The following PRAM1 variants were observed in gnomAD, a reference collection of about 807,000 sequenced individuals.
The protein encoded by PRAM1 is PML-RARA-regulated adapter molecule 1.
In PRAM1, 41 loss-of-function variants were observed where a neutral mutation model predicts 55.3. The observed-to-expected ratio is 0.74, with a 90% CI of 0.58 to 0.96. The LOEUF (loss-of-function observed/expected upper bound fraction) is 0.96, where lower values mean the gene tolerates loss of function less well. Ranked by LOEUF, PRAM1 falls within the 40% of genes least tolerant of loss-of-function variation. PRAM1 has a pLI of 0.00. For missense variants in PRAM1, 898 were observed against 892.7 expected, an observed-to-expected ratio of 1.01 and a Z score of -0.08; for synonymous variants, 401 against 387.1, an observed-to-expected ratio of 1.04 and a Z score of -0.42.
rs1461907185 is a variant in PRAM1, at chr19:8,502,580, G to A, written c.12C>T (p.His4=). Residue 4 remains histidine (H), a synonymous_variant, in exon 1 of 10, where the codon CAC becomes CAT. Coordinates refer to ENST00000423345, the MANE Select transcript of PRAM1 (RefSeq NM_032152.5). ...CAGCACTCACCATGGCTGCAGGCAG[G>A]TGATGGGCCATGGGATGAGTGGGAC... The part of the protein sequence containing the change: MAH[H]LPAAMESHQD... The A allele has an allele frequency of 6.4e-7, 1 of 1,551,478 alleles. No individual in the cohort carries two copies. The highest frequency in any genetic ancestry group is 8.7e-7 in the Non-Finnish European group (1 of 1,148,744).
Position 8,498,236 on chromosome 19 carries a change from C to A in PRAM1, c.1486G>T (p.Glu496Ter), listed in dbSNP as rs1166143587. The A allele has an allele frequency of 1.2e-6, 2 of 1,612,360 alleles. No individual in the cohort carries two copies. Among genetic ancestry groups the A allele is most frequent in the Non-Finnish European group, 1.7e-6 (2 of 1,179,506 alleles). ...AGLHFQDRQP[E>*]DIPQVPDEIY... ...CCCCACACTCACTGCGGGATGTCTT[C>A]AGGCTGTCGGTCCTGGAAGTGGAGC... Residue 496 changes from glutamate (E) to a stop codon, truncating the protein, a stop_gained, in exon 3 of 10, where the codon GAA becomes TAA. Transcript: ENST00000423345. LOFTEE classifies it high-confidence loss of function.
chr19:8,493,627 C>T lies in PRAM1; in HGVS notation c.1577-2470G>A, dbSNP rs1971658840. Among the ~76,000 whole-genome samples the T allele has an allele frequency of 6.6e-6, 1 of 152,164 alleles. No homozygotes were observed. Among genetic ancestry groups the T allele is most frequent in the Non-Finnish European group, 1.5e-5 (1 of 68,024 alleles). ...ACCTGCAGAGGAGCCCCCTGCCTTC[C>T]AGGAACCTCTGCAGTGGAGCTGCCA... On this transcript the variant is annotated intron_variant, in intron 4 of 9. Coordinates refer to ENST00000423345, the MANE Select transcript of PRAM1 (RefSeq NM_032152.5). This position sits in a 1 kb window ranked among gnomAD's most constrained non-coding sequence, Gnocchi z 4.1.
In PRAM1 at chr19:8,499,158, G is replaced by C; in HGVS notation, c.650C>G (p.Ala217Gly). ...GGGGTACACGTTGAACTCAGGCTGC[G>C]CAGGCTTCTTGGGAAAGGTACTCAA... Reference protein sequence around the residue: ...PELSTFPKKPAQPEFNVYPKK... With the variant: ...PELSTFPKKPGQPEFNVYPKK... Residue 217 changes from alanine (A) to glycine (G), a missense_variant, in exon 2 of 10, where the codon GCG becomes GGG. Around this residue, in one of 4 missense-constraint regions of PRAM1, gnomAD observed 787 missense variants for 735.4 expected, o/e 1.07. Coordinates refer to ENST00000423345, the MANE Select transcript of PRAM1 (RefSeq NM_032152.5). The C allele has an allele frequency of 6.2e-7, 1 of 1,613,872 alleles. No individual in the cohort carries two copies. The highest frequency in any genetic ancestry group is 1.6e-4 in the Middle Eastern group (1 of 6,062).
At chr19:8,494,515 T>C (rs1971670578) in intron 4 of PRAM1, among the ~76,000 whole-genome samples, 1 of 152,232 alleles carries the variant, frequency 6.6e-6, no homozygotes, top group Non-Finnish European at 1.5e-5. Context: ...CAGGAGCACC[T>C]TAGAAGCTCA....
chr19:8,500,205 C>T (rs10407216), intron 1 of PRAM1, among the ~76,000 whole-genome samples: 6,889 of 150,648 alleles, frequency 0.046, 533 homozygotes, highest in African/African-American at 0.16. Context: ...CTCCTGGGCT[C>T]CAATGATTCC....
chr19:8,494,932 CTT>C (rs769996945), intron 4 of PRAM1, among the ~76,000 whole-genome samples: 9 of 135,802 alleles, frequency 6.6e-5, no homozygotes, highest in Non-Finnish European at 1.1e-4. Flanking sequence ...TGCGCCTGGC[CTT>C]TTTTTTTTTT....
At chr19:8,492,853 C>A (rs769173975) in intron 4 of PRAM1, among the ~76,000 whole-genome samples, 38 of 151,888 alleles carry the variant, frequency 2.5e-4, no homozygotes, top group Non-Finnish European at 5.0e-4. Flanking sequence ...AAAAATTAGA[C>A]GGGTGTGGTG....
At chr19:8,497,895 T>TTTTTTTA in intron 3 of PRAM1, 55 bp from the exon 4 acceptor site, 1 of 1,111,768 alleles carries the variant, frequency 9.0e-7, no homozygotes, top group Non-Finnish European at 1.3e-6. Flanking sequence ...TTTTTTTTTT[T>TTTTTTTA]GAGACGGAGT....
At position 8,491,084 on chromosome 19, in the gene PRAM1, C is replaced by T. The variant is rs1568313461; in HGVS notation, c.1634+16G>A. On this transcript the variant is annotated intron_variant, in intron 5 of 9. Transcript: ENST00000423345. ...GAGCTCGCCCCCCGTCTGCCCACCC[C>T]CTCTGCCCATGGCACCTGAGCGCTG... The T allele has an allele frequency of 3.1e-6, 5 of 1,612,236 alleles. No homozygotes were observed. The East Asian group carries it at 6.7e-5, about 22-fold the overall frequency.
At position 8,502,471 on chromosome 19, in the gene PRAM1, C is replaced by G. The variant is rs540827052; in HGVS notation, c.27+94G>C. 6 of 444,312 alleles carry G rather than the reference C, an allele frequency of 1.4e-5. 1 individual carries two copies. Among genetic ancestry groups the G allele is most frequent in the East Asian group, 6.2e-5 (1 of 16,062 alleles). 27.5% of individuals were successfully genotyped at this position (444,312 alleles called of 1,614,324 possible). A position where few individuals can be genotyped will look rare whatever the true frequency, so the allele number is the denominator to read the frequency against. On this transcript the variant is annotated intron_variant, in intron 1 of 9. Transcript: ENST00000423345. Reference sequence around the variant, plus strand: ...CTTTCGCAGCCACCCCCCGCCCCCCCGCCCGCCCCTCCACAGGTGGATCCT... The same window carrying G: ...CTTTCGCAGCCACCCCCCGCCCCCCGGCCCGCCCCTCCACAGGTGGATCCT...
Position 8,490,768 on chromosome 19 carries a change from G to C in PRAM1, c.1744-12C>G. 6.2e-7 allele frequency: 1 copy of C among 1,607,946 alleles called. No individual in the cohort carries two copies. Among genetic ancestry groups the C allele is most frequent in the African/African-American group, 1.3e-5 (1 of 75,026 alleles). On this transcript the variant is annotated splice_polypyrimidine_tract_variant and intron_variant, in intron 6 of 9. Transcript: ENST00000423345. The surrounding 1 kb of genome is among the most constrained non-coding windows in gnomAD (Gnocchi z 7.3). Reference sequence around the variant, plus strand: ...ATCTCCCCTTCAAACTGGGGCGCGAGATGTTAGGGCCTCTGCTTGTGCTGC... The same window carrying C: ...ATCTCCCCTTCAAACTGGGGCGCGACATGTTAGGGCCTCTGCTTGTGCTGC...
rs1159923983 is a variant in PRAM1, at chr19:8,502,618, C to G, written c.-27G>C. 2 of 1,547,092 alleles carry G rather than the reference C, an allele frequency of 1.3e-6. No individual in the cohort carries two copies. Among genetic ancestry groups the G allele is most frequent in the Admixed American group, 3.9e-5 (2 of 50,818 alleles). On this transcript the variant is annotated 5_prime_UTR_variant, in exon 1 of 10. Transcript: ENST00000423345. ...GGATGAGTGGGACCCGAGCTGGGGC[C>G]GCTGCCTTCAGGAAGTGACTGTGGC...
At chr19:8,496,182 G>A (rs1971696970) in intron 4 of PRAM1, 3 of 446,996 alleles carry the variant, frequency 6.7e-6, no homozygotes, top group Admixed American at 2.4e-5. Flanking sequence ...TTGGTAGGCT[G>A]AGGTGGGCGG....
chr19:8,499,122 G>A lies in PRAM1; in HGVS notation c.686C>T (p.Pro229Leu), dbSNP rs199705772. ...AGGGAGGCCACCGACCTGAGGCTGC[G>A]GAGGCTTTTTGGGGTACACGTTGAA... ...PEFNVYPKKPPQPQVGGLPKK... is the reference protein window; with the variant it reads ...PEFNVYPKKPLQPQVGGLPKK... Residue 229 changes from proline (P) to leucine (L), a missense_variant, in exon 2 of 10, where the codon CCG becomes CTG. By Grantham distance (98) the Pro-to-Leu change is moderately conservative. Around this residue, in one of 4 missense-constraint regions of PRAM1, gnomAD observed 787 missense variants for 735.4 expected, o/e 1.07. Coordinates refer to ENST00000423345, the MANE Select transcript of PRAM1 (RefSeq NM_032152.5). 4.0e-5 allele frequency: 65 copies of A among 1,613,714 alleles called. No homozygotes were observed. The Admixed American group carries it at 5.8e-4, about 14-fold the overall frequency.
chr19:8,491,105 C>A lies in PRAM1; in HGVS notation c.1629G>T (p.Ala543=), dbSNP rs372523277. 1.2e-6 allele frequency: 2 copies of A among 1,612,258 alleles called. No individual in the cohort carries two copies. The highest frequency in any genetic ancestry group is 3.3e-5 in the Admixed American group (2 of 60,014). ...QAARRPPQDP[A]LRKEKDPQPQ... ...ACCCCCTCTGCCCATGGCACCTGAG[C>A]GCTGGGTCTTGTGGTGGCCTCCTGG... Residue 543 remains alanine (A), a synonymous_variant, in exon 5 of 10, where the codon GCG becomes GCT. Coordinates refer to ENST00000423345, the MANE Select transcript of PRAM1 (RefSeq NM_032152.5).
At chr19:8,501,364 G>A (rs1341185305) in intron 1 of PRAM1, among the ~76,000 whole-genome samples, 1 of 151,890 alleles carries the variant, frequency 6.6e-6, no homozygotes, top group Non-Finnish European at 1.5e-5. Context: ...CAAAGTGCAT[G>A]AGCCATCACG....
At position 8,498,732 on chromosome 19, in the gene PRAM1, T is replaced by A; in HGVS notation, c.1076A>T (p.Gln359Leu). The A allele has an allele frequency of 1.3e-6, 2 of 1,584,154 alleles. No homozygotes were observed. The highest frequency in any genetic ancestry group is 1.7e-6 in the Non-Finnish European group (2 of 1,166,044). Residue 359 changes from glutamine (Q) to leucine (L), a missense_variant, in exon 2 of 10, where the codon CAG becomes CTG. This residue lies in a region of PRAM1 where 787 missense variants were observed against 735.4 expected (regional missense o/e 1.07). Transcript: ENST00000423345. ...ERRGPPRKFSQPEPSAVLKRH... is the reference protein window; with the variant it reads ...ERRGPPRKFSLPEPSAVLKRH... ...CTTGAGGACAGCGCTGGGCTCAGGC[T>A]GTGAGAACTTGCGGGGTGGCCCCCG...
At position 8,490,900 on chromosome 19, in the gene PRAM1, C is replaced by G; in HGVS notation, c.1730G>C (p.Arg577Pro). 6.2e-7 allele frequency: 1 copy of G among 1,613,442 alleles called. No homozygotes were observed. The change falls in exon 6 of 10, where the codon CGG becomes CCG. Residue 577 changes from arginine to proline, a missense_variant. By Grantham distance (103) the Arg-to-Pro change is moderately radical (BLOSUM62 -2). This residue lies in a region of PRAM1 where 787 missense variants were observed against 735.4 expected (regional missense o/e 1.07). Coordinates refer to ENST00000423345, the MANE Select transcript of PRAM1 (RefSeq NM_032152.5). This position sits in a 1 kb window ranked among gnomAD's most constrained non-coding sequence, Gnocchi z 7.3. ...CAGAGGCCTCACCTTGAACTTCTTC[C>G]GGAACTCCCTCTCGGCCTTCTCTGC... ...RKAEKAEREF[R>P]KKFKFEGEIV...
At chr19:8,502,460 C>CGGCGGGGGGGGGGGGGGG in intron 1 of PRAM1, 105 bp downstream of exon 1, 1 of 519,362 alleles carries the variant, frequency 1.9e-6, no homozygotes, top group Non-Finnish European at 3.4e-6. Context: ...CGCAGCCACC[C>CGGCGGGGGGGGGGGGGGG]CCCGCCCCCC....
Sources: allele counts gnomAD v4.1 joint callset (sites outside exome capture counted in the v4.1 genomes callset), GRCh38; gene constraint gnomAD v4.1.1; regional missense constraint gnomAD v4.1.1; non-coding constraint Gnocchi (gnomAD v3.1); transcripts MANE v1.5; gene names NCBI Gene and HGNC (gene_info 2026-07-23, HGNC 2026-07-21).